TUT4: variants seen among roughly 807,000 people sequenced by gnomAD.
TUT4 encodes terminal uridylyl transferase 4.
In TUT4, 36 loss-of-function variants were observed where a neutral mutation model predicts 192.2. The ratio of observed to expected loss-of-function variants is 0.19; its 90% CI spans 0.14 to 0.25. The LOEUF is 0.25. Among genes scored for constraint, TUT4 ranks in the 10% least tolerant of loss-of-function variants. The probability of loss-of-function intolerance (pLI) is 1.00; values close to 1 mark genes in which losing one functional copy is unlikely to be tolerated. For missense variants in TUT4, 1,493 were observed against 1,957.2 expected (o/e 0.76, Z 4.47); for synonymous variants, 618 against 666.0 (o/e 0.93, Z 1.11).
At chr1:52,490,886 T>A (rs765484254) in intron 7 of TUT4, 85 bp from the exon 8 acceptor site, 77 of 1,116,808 alleles carry the variant, frequency 6.9e-5, no homozygotes, top group Non-Finnish European at 6.3e-5. Context: ...AGTTTCCTTC[T>A]GAAAATTATT....
rs191829655 is a variant in TUT4 at position 52,463,195 on chromosome 1, G to A, written c.3070-1426C>T. On this transcript the variant is annotated intron_variant, in intron 16 of 29. Transcript: ENST00000257177. ...ATAATATACAAACCCTTAGTGATTA[G>A]AAGTTTAATAAATTTTACATAGAAG... 24 of 984,070 alleles carry A rather than the reference G, an allele frequency of 2.4e-5. No homozygotes were observed. In the East Asian group the frequency reaches 2.4e-3, roughly 98 times the overall value. 61.0% of individuals were successfully genotyped at this position (984,070 alleles called of 1,614,324 possible). A position where few individuals can be genotyped will look rare whatever the true frequency, so the allele number is the denominator to read the frequency against.
At chr1:52,428,230 G>A (rs1570090419) in intron 28 of TUT4, among the ~76,000 whole-genome samples, 1 of 152,318 alleles carries the variant, frequency 6.6e-6, no homozygotes, top group Non-Finnish European at 1.5e-5. Context: ...GCTCACGCCT[G>A]TAAATCCAGC....
At chr1:52,461,888 T>C in intron 16 of TUT4, 119 bp from the exon 17 acceptor site, 3 of 615,868 alleles carry the variant, frequency 4.9e-6, no homozygotes, top group Non-Finnish European at 8.3e-6. Context: ...TATAATAACC[T>C]TGCTACTCCA....
intron 3 of TUT4, chr1:52,515,231 A>G (rs1678418629): frequency 6.6e-6 from 1 of 152,588 alleles, no homozygotes; most frequent in Non-Finnish European, 1.5e-5. Context: ...TACAGGTTCA[A>G]TAAATAAAAT....
chr1:52,530,426 C>G (rs1451990808), intron 1 of TUT4, among the ~76,000 whole-genome samples: 1 of 152,034 alleles, frequency 6.6e-6, no homozygotes, highest in African/African-American at 2.4e-5. Context: ...GTAAAACAAG[C>G]GCATCATAGA....
intron 12 of TUT4, among the ~76,000 whole-genome samples, chr1:52,475,858 C>A (rs1200000955): frequency 6.8e-6 from 1 of 146,684 alleles, no homozygotes; most frequent in African/African-American, 2.5e-5. Flanking sequence ...TTTTTTTTTT[C>A]TTTTGAGATG....
At chr1:52,491,784 AT>A (rs971784183) in intron 7 of TUT4, among the ~76,000 whole-genome samples, 13 of 152,236 alleles carry the variant, frequency 8.5e-5, no homozygotes, top group Non-Finnish European at 1.6e-4. Flanking sequence ...TGTTGTAATT[AT>A]TAATTTAGTC....
chr1:52,492,496 TACA>T (rs144687747), intron 7 of TUT4, among the ~76,000 whole-genome samples: 4,869 of 152,272 alleles, frequency 0.032, 179 homozygotes, highest in African/African-American at 0.093. Flanking sequence ...ATCTCATTCT[TACA>T]ACAACTTTCT....
At chr1:52,492,899 G>GA (rs1409772722) in intron 7 of TUT4, among the ~76,000 whole-genome samples, 1 of 152,100 alleles carries the variant, frequency 6.6e-6, no homozygotes, top group African/African-American at 2.4e-5. Flanking sequence ...CTTTAGGTGG[G>GA]AAAAAACATA....
chr1:52,518,360 C>T (rs1275708180), intron 2 of TUT4, among the ~76,000 whole-genome samples: 1 of 152,192 alleles, frequency 6.6e-6, no homozygotes, highest in East Asian at 1.9e-4. Context: ...AGTCAAAGAT[C>T]AAGGTGTCAG....
rs554170439 is a variant in TUT4 at position 52,513,393 on chromosome 1, C to CAAAAAAAAAAA, written c.882+2487_882+2497dup. On this transcript the variant is annotated intron_variant, in intron 3 of 29. Transcript: ENST00000257177. ...GGGCAACCAGAATGAGACCCTGTCTCAAAAAAAAAAAAAAAAAAAAAGTAC... is the reference window on the plus strand; with the variant it reads ...GGGCAACCAGAATGAGACCCTGTCTCAAAAAAAAAAAAAAAAAAAAAAAAAAAAAAAAGTAC... 4.7e-3 allele frequency among the ~76,000 whole-genome samples: 197 copies of CAAAAAAAAAAA among 42,056 alleles called. 20 individuals are homozygous for CAAAAAAAAAAA. The highest frequency in any genetic ancestry group is 0.027 in the African/African-American group (157 of 5,726). The allele number at this position is 42,056 out of a possible 152,430, so 27.6% of individuals were successfully genotyped here. A position where few individuals can be genotyped will look rare whatever the true frequency, so the allele number is the denominator to read the frequency against.
rs528663543 is a variant in TUT4, at chr1:52,482,786, G to A, written c.1516-863C>T. On this transcript the variant is annotated intron_variant, in intron 9 of 29. Transcript: ENST00000257177. ...TATAGTCTATGATATGGATGGTTAC[G>A]TAACAGTTCCCCCATTCAAGAACAT... Among the ~76,000 whole-genome samples, 23 of 152,186 alleles carry A rather than the reference G, an allele frequency of 1.5e-4. No individual in the cohort carries two copies. In the South Asian group the frequency reaches 2.7e-3, roughly 18 times the overall value.
intron 7 of TUT4, 45 bp downstream of exon 7, chr1:52,493,566 G>C: frequency 7.7e-7 from 1 of 1,294,892 alleles, no homozygotes; most frequent in Non-Finnish European, 1.1e-6. Context: ...CCTTTAGAAA[G>C]ACAAATTAAA....
chr1:52,471,601 A>G (rs1665803527), intron 14 of TUT4, among the ~76,000 whole-genome samples: 1 of 152,236 alleles, frequency 6.6e-6, no homozygotes, highest in Non-Finnish European at 1.5e-5. Context: ...AGCCACATGT[A>G]GCTACTGAGT....
chr1:52,457,886 C>A lies in TUT4; in HGVS notation c.3435+450G>T, dbSNP rs187384518. On this transcript the variant is annotated intron_variant, in intron 20 of 29. Transcript: ENST00000257177. ...CTTCAGAAGAGATAAGGAAGAGTTT[C>A]CCTGGGTTCATTCTAAACCAAAATT... is the stretch of plus-strand genomic sequence containing the variant. 1.2e-3 allele frequency among the ~76,000 whole-genome samples: 181 copies of A among 152,234 alleles called. 3 individuals are homozygous for A. The highest frequency in any genetic ancestry group is 0.011 in the Admixed American group (170 of 15,286).
chr1:52,439,209 G>A (rs778755528), intron 24 of TUT4, among the ~76,000 whole-genome samples: 9 of 152,022 alleles, frequency 5.9e-5, no homozygotes, highest in Admixed American at 2.0e-4. Flanking sequence ...CAGCCTGGAC[G>A]AAGTGGCGAA....
At chr1:52,523,993 T>G (rs1340639715) in intron 2 of TUT4, among the ~76,000 whole-genome samples, 1 of 152,170 alleles carries the variant, frequency 6.6e-6, no homozygotes, top group Non-Finnish European at 1.5e-5. Context: ...GAAAAAAAGA[T>G]TATAAAAGAA....
intron 1 of TUT4, among the ~76,000 whole-genome samples, chr1:52,533,807 A>T (rs971568799): frequency 2.6e-5 from 4 of 152,176 alleles, no homozygotes; most frequent in Non-Finnish European, 5.9e-5. Context: ...CTATTAAAAT[A>T]CAAAAAAATT....
chr1:52,489,151 C>T, intron 8 of TUT4, 116 bp from the exon 9 acceptor site: 3 of 1,035,974 alleles, frequency 2.9e-6, no homozygotes, highest in Non-Finnish European at 3.8e-6. Flanking sequence ...ACCGTAAAAG[C>T]CCTAATAAAA....
Sources: allele counts gnomAD v4.1 joint callset (sites outside exome capture counted in the v4.1 genomes callset), GRCh38; gene constraint gnomAD v4.1.1; transcripts MANE v1.5; gene names NCBI Gene and HGNC (gene_info 2026-07-23, HGNC 2026-07-21).